The following CEP128 variants were observed in gnomAD, a reference collection of about 807,000 sequenced individuals.
CEP128 encodes the protein centrosomal protein 128kDa.
Under a neutral mutation model 156.7 loss-of-function variants are expected in CEP128, and 132 were observed. The ratio of observed to expected loss-of-function variants is 0.84; its 90% CI spans 0.73 to 0.97. The LOEUF is 0.97. CEP128 is among the 50% of genes least tolerant of loss of function. CEP128 has a pLI of 0.00. For synonymous variants in CEP128, 469 were observed against 448.9 expected, an observed-to-expected ratio of 1.04 and a Z score of -0.57; for missense variants, 1,252 against 1,281.9, an observed-to-expected ratio of 0.98 and a Z score of 0.36.
chr14:80,642,395 A>C (rs1894454660), intron 19 of CEP128, among the ~76,000 whole-genome samples: 1 of 152,214 alleles, frequency 6.6e-6, no homozygotes, highest in Non-Finnish European at 1.5e-5. Context: ...TAAGAATGAG[A>C]GAGACAAGGC....
chr14:80,871,487 T>C (rs1372271973), intron 8 of CEP128, among the ~76,000 whole-genome samples: 3 of 152,116 alleles, frequency 2.0e-5, no homozygotes, highest in African/African-American at 7.2e-5. Flanking sequence ...CTTAACGTGC[T>C]GGATGGAATA....
chr14:80,878,110 C>A (rs560204063), intron 8 of CEP128, among the ~76,000 whole-genome samples: 1 of 152,146 alleles, frequency 6.6e-6, no homozygotes, highest in Non-Finnish European at 1.5e-5. Context: ...GCCCCTCCCC[C>A]AGCAGGGACC....
chr14:80,731,991 T>C (rs530392682), intron 19 of CEP128, among the ~76,000 whole-genome samples: 6 of 152,188 alleles, frequency 3.9e-5, no homozygotes, highest in African/African-American at 1.4e-4. Flanking sequence ...GTAGCTTCTG[T>C]TGAAGATACC....
chr14:80,678,775 G>A (rs1451023478), intron 19 of CEP128, among the ~76,000 whole-genome samples: 1 of 152,158 alleles, frequency 6.6e-6, no homozygotes, highest in Non-Finnish European at 1.5e-5. Flanking sequence ...TGGAAAAGCT[G>A]CAGGCATTTT....
intron 19 of CEP128, among the ~76,000 whole-genome samples, chr14:80,649,480 G>A (rs1894803070): frequency 6.6e-6 from 1 of 152,064 alleles, no homozygotes. Context: ...ATTAAAAAAA[G>A]GACAAAAAGC....
At chr14:80,551,892 C>T (rs577096325) in intron 21 of CEP128, among the ~76,000 whole-genome samples, 2 of 152,200 alleles carry the variant, frequency 1.3e-5, no homozygotes, top group South Asian at 4.1e-4. Flanking sequence ...GAAGCCTTAC[C>T]CCAGGGCCTT....
chr14:80,857,424 G>A (rs188059229), intron 9 of CEP128, among the ~76,000 whole-genome samples: 2 of 152,006 alleles, frequency 1.3e-5, no homozygotes, highest in Admixed American at 1.3e-4. Context: ...AGGCTGATGG[G>A]TATAGGCTTA....
intron 19 of CEP128, among the ~76,000 whole-genome samples, chr14:80,689,285 C>A (rs1239335824): frequency 1.1e-5 from 1 of 95,200 alleles, no homozygotes; most frequent in South Asian, 4.3e-4. Flanking sequence ...AGCGAGACTC[C>A]GTCTCAAAAA....
chr14:80,526,492 T>C (rs576852240), intron 23 of CEP128, among the ~76,000 whole-genome samples: 6 of 152,250 alleles, frequency 3.9e-5, no homozygotes, highest in African/African-American at 1.4e-4. Context: ...CAATATATTA[T>C]CTGACCTACT....
chr14:80,526,092 A>G (rs1198625207), intron 23 of CEP128, among the ~76,000 whole-genome samples: 2 of 152,128 alleles, frequency 1.3e-5, no homozygotes, highest in Non-Finnish European at 2.9e-5. Flanking sequence ...TCCAGGGGAC[A>G]TTTGACAATG....
At chr14:80,942,079 C>T (rs1359647971), upstream of CEP128, among the ~76,000 whole-genome samples, 1 of 152,040 alleles carries the variant, frequency 6.6e-6, no homozygotes, top group East Asian at 1.9e-4. Flanking sequence ...TCCCCCAGGA[C>T]TACGGTAAGA....
At chr14:80,920,321 G>C (rs1884788929) in intron 2 of CEP128, among the ~76,000 whole-genome samples, 1 of 152,166 alleles carries the variant, frequency 6.6e-6, no homozygotes, top group Admixed American at 6.5e-5. Context: ...AAACAGATGA[G>C]AATGGAGTGG....
intron 19 of CEP128, among the ~76,000 whole-genome samples, chr14:80,601,200 T>C (rs1384639524): frequency 2.0e-5 from 3 of 152,056 alleles, no homozygotes; most frequent in Non-Finnish European, 4.4e-5. Context: ...ATAAAACAAA[T>C]ACAAACAACT....
intron 21 of CEP128, among the ~76,000 whole-genome samples, chr14:80,545,193 A>G (rs1752681482): frequency 6.6e-6 from 1 of 152,220 alleles, no homozygotes. Flanking sequence ...GCCACCCTCC[A>G]GTGCAGTGCC....
intron 19 of CEP128, among the ~76,000 whole-genome samples, chr14:80,703,552 T>C (rs1182696036): frequency 6.6e-6 from 1 of 152,038 alleles, no homozygotes; most frequent in Non-Finnish European, 1.5e-5. Context: ...ATGTTTCCTA[T>C]CTGATTTTCT....
intron 23 of CEP128, among the ~76,000 whole-genome samples, chr14:80,516,888 A>G (rs1888514780): frequency 6.6e-6 from 1 of 152,144 alleles, no homozygotes; most frequent in South Asian, 2.1e-4. Context: ...TTCTTCCTTG[A>G]TATGATGTTA....
In CEP128 at chr14:80,891,378, A is replaced by C. The variant is rs899638880; in HGVS notation, c.645+4340T>G. On this transcript the variant is annotated intron_variant, in intron 8 of 24. Transcript: ENST00000555265. The stretch of plus-strand genomic sequence containing the variant: ...CAATGGAGTACTATTCAGCCAAAAA[A>C]AAGATGAGGTCCTGTGATTTGCAAA... 2.0e-5 allele frequency among the ~76,000 whole-genome samples: 3 copies of C among 152,156 alleles called. No individual in the cohort carries two copies. The East Asian group carries it at 5.8e-4, about 29-fold the overall frequency.
chr14:80,702,972 T>TTATG (rs567968548), intron 19 of CEP128, among the ~76,000 whole-genome samples: 11 of 152,092 alleles, frequency 7.2e-5, no homozygotes, highest in African/African-American at 1.4e-4. Context: ...TATAAAAAGA[T>TTATG]TATGTATGTA....
intron 19 of CEP128, among the ~76,000 whole-genome samples, chr14:80,721,959 T>C (rs147950951): frequency 6.6e-6 from 1 of 152,350 alleles, no homozygotes; most frequent in African/African-American, 2.4e-5. Context: ...GTGCTAGTCA[T>C]GGAACACATA....
Sources: allele counts gnomAD v4.1 joint callset (sites outside exome capture counted in the v4.1 genomes callset), GRCh38; gene constraint gnomAD v4.1.1; transcripts MANE v1.5; gene names NCBI Gene and HGNC (gene_info 2026-07-23, HGNC 2026-07-21).